MYO18B: variants seen among roughly 807,000 people sequenced by gnomAD.
MYO18B encodes unconventional myosin-XVIIIb.
In MYO18B, 204 loss-of-function variants were observed where a neutral mutation model predicts 273.0. That is an observed-to-expected ratio of 0.75 (90% confidence interval 0.67 to 0.84). MYO18B has a LOEUF of 0.84. Ranked by LOEUF, MYO18B falls within the 40% of genes least tolerant of loss-of-function variation. The pLI is 0.00. For synonymous variants in MYO18B, 1,330 were observed against 1,305.7 expected (o/e 1.02, Z -0.40); for missense variants, 3,212 against 3,287.6 (o/e 0.98, Z 0.56).
intron 7 of MYO18B, 40 bp from the exon 8 acceptor site, chr22:25,777,543 T>G: frequency 1.3e-6 from 2 of 1,541,740 alleles, no homozygotes; most frequent in Non-Finnish European, 1.7e-6. Context: ...CCCTAGGCAG[T>G]GGCTGGATGG....
intron 12 of MYO18B, among the ~76,000 whole-genome samples, chr22:25,814,494 A>G (rs1235511386): frequency 2.0e-5 from 3 of 151,046 alleles, no homozygotes; most frequent in Non-Finnish European, 4.4e-5. Flanking sequence ...TACTTCAACA[A>G]TCTCATGGAG....
At chr22:25,786,592 G>T (rs9613021) in intron 11 of MYO18B, among the ~76,000 whole-genome samples, 93,389 of 151,794 alleles carry the variant, frequency 0.62, 29,882 homozygotes, top group South Asian at 0.74. Flanking sequence ...ATTTCTAGAA[G>T]AAAGGTGAGA....
At chr22:25,987,359 C>T (rs1044895432) in intron 39 of MYO18B, among the ~76,000 whole-genome samples, 4 of 152,040 alleles carry the variant, frequency 2.6e-5, no homozygotes, top group Non-Finnish European at 5.9e-5. Context: ...GGGAGTAGCC[C>T]GGGGGTTTAA....
At chr22:25,865,497 A>G (rs1057313149) in intron 21 of MYO18B, among the ~76,000 whole-genome samples, 1 of 152,248 alleles carries the variant, frequency 6.6e-6, no homozygotes, top group African/African-American at 2.4e-5. Context: ...TGACCAAAAC[A>G]GAGGTGACTA....
intron 1 of MYO18B, among the ~76,000 whole-genome samples, chr22:25,744,069 C>A (rs1443277827): frequency 6.6e-6 from 1 of 152,186 alleles, no homozygotes; most frequent in South Asian, 2.1e-4. Flanking sequence ...TTCACTTGAG[C>A]TAACAAAACC....
In MYO18B at chr22:26,020,113, G is replaced by A. The variant is rs6004900; in HGVS notation, c.6471-6332G>A. Reference sequence around the variant, plus strand: ...CTTAGCAGTATGGCCTTGAGCAAATGTTTTCTCACCACTGAGCCTCAGTTT... The same window carrying A: ...CTTAGCAGTATGGCCTTGAGCAAATATTTTCTCACCACTGAGCCTCAGTTT... On this transcript the variant is annotated intron_variant, in intron 42 of 43. Coordinates refer to ENST00000335473, the MANE Select transcript of MYO18B (RefSeq NM_032608.7). 5.0e-3 allele frequency among the ~76,000 whole-genome samples: 767 copies of A among 152,258 alleles called. 5 individuals carry two copies. Among genetic ancestry groups the A allele is most frequent in the African/African-American group, 0.018 (729 of 41,538 alleles).
At chr22:25,987,932 A>G (rs1373608881) in intron 39 of MYO18B, among the ~76,000 whole-genome samples, 1 of 152,136 alleles carries the variant, frequency 6.6e-6, no homozygotes, top group African/African-American at 2.4e-5. Flanking sequence ...ATCATTTTGT[A>G]TCCTAATTAT....
At chr22:26,017,874 T>C (rs1015204199) in intron 42 of MYO18B, among the ~76,000 whole-genome samples, 2 of 152,078 alleles carry the variant, frequency 1.3e-5, no homozygotes. Flanking sequence ...CCCTGTTCTG[T>C]TTTTCTTATT....
intron 39 of MYO18B, among the ~76,000 whole-genome samples, chr22:25,980,781 T>A (rs898718530): frequency 6.6e-6 from 1 of 152,188 alleles, no homozygotes; most frequent in African/African-American, 2.4e-5. Context: ...GTTGTATTAG[T>A]TTTTTAGGGG....
chr22:25,897,515 A>G (rs2091835232), intron 28 of MYO18B: 2 of 152,224 alleles, frequency 1.3e-5, no homozygotes, highest in South Asian at 2.1e-4. Context: ...TATAAAGTTG[A>G]GTCAGTTTCC....
chr22:25,764,842 G>C (rs111637882), intron 3 of MYO18B, among the ~76,000 whole-genome samples: 295 of 152,368 alleles, frequency 1.9e-3, no homozygotes, highest in African/African-American at 6.6e-3. Context: ...CAGCAATGCA[G>C]GTGGATGGGA....
Position 25,867,950 on chromosome 22 carries a change from A to G in MYO18B, c.3886-370A>G, listed in dbSNP as rs371756271. ...CCGGCCAAGACTCTGATTTCAGTTC[A>G]TTTATGTATATACACACAAGTGGGA... On this transcript the variant is annotated intron_variant, in intron 21 of 43. Transcript: ENST00000335473. 2.1e-3 allele frequency among the ~76,000 whole-genome samples: 326 copies of G among 152,242 alleles called. 18 individuals carry two copies. In the South Asian group the frequency reaches 0.067, roughly 31 times the overall value.
rs144830415 is a variant in MYO18B at position 26,029,259 on chromosome 22, A to G, written c.*13-1184A>G. On this transcript the variant is annotated intron_variant, in intron 43 of 43. Coordinates refer to ENST00000335473, the MANE Select transcript of MYO18B (RefSeq NM_032608.7). ...GGCTCTGATGGTCCAGCGACTGCAC[A>G]TGGCTCTCAGGGTGCACCTGCTGCC... Among the ~76,000 whole-genome samples the G allele has an allele frequency of 3.3e-4, 50 of 152,228 alleles. No individual in the cohort carries two copies. In the East Asian group the frequency reaches 8.7e-3, roughly 26 times the overall value.
At chr22:25,953,816 C>T (rs1212915354) in intron 38 of MYO18B, among the ~76,000 whole-genome samples, 1 of 152,118 alleles carries the variant, frequency 6.6e-6, no homozygotes, top group East Asian at 1.9e-4. Flanking sequence ...CAATTTTGCC[C>T]TCTGCCACTA....
At chr22:25,981,879 G>A (rs749598709) in intron 39 of MYO18B, among the ~76,000 whole-genome samples, 16 of 152,222 alleles carry the variant, frequency 1.1e-4, no homozygotes, top group African/African-American at 1.9e-4. Context: ...GTATTAGTCC[G>A]TTCTTGCATT....
At chr22:25,940,800 A>G (rs946785556) in intron 34 of MYO18B, among the ~76,000 whole-genome samples, 3 of 152,234 alleles carry the variant, frequency 2.0e-5, no homozygotes, top group African/African-American at 7.2e-5. Context: ...AAAGCTTAGC[A>G]GCACTTAATT....
rs372863610 is a variant in MYO18B, at chr22:25,835,991, G to T, written c.3208+548G>T. On this transcript the variant is annotated intron_variant, in intron 17 of 43. Coordinates refer to ENST00000335473, the MANE Select transcript of MYO18B (RefSeq NM_032608.7). ...ATGTTCTGGAAAGTTCCCTGAGGTT[G>T]TAGTGTGAAGATATGGTAGGAAGGC... Among the ~76,000 whole-genome samples the T allele has an allele frequency of 6.6e-5, 10 of 152,316 alleles. No individual in the cohort carries two copies. The South Asian group carries it at 8.3e-4, about 13-fold the overall frequency.
At chr22:25,990,531 A>T (rs1044113172) in intron 39 of MYO18B, among the ~76,000 whole-genome samples, 2 of 151,904 alleles carry the variant, frequency 1.3e-5, no homozygotes, top group Non-Finnish European at 2.9e-5. Flanking sequence ...GCTAAAAAAT[A>T]CATAAATTAG....
At chr22:25,962,594 G>A (rs1044256854) in intron 39 of MYO18B, among the ~76,000 whole-genome samples, 1 of 152,178 alleles carries the variant, frequency 6.6e-6, no homozygotes, top group Non-Finnish European at 1.5e-5. Context: ...ACTAGGGACT[G>A]TGCCCTTGCA....
Sources: allele counts gnomAD v4.1 joint callset (sites outside exome capture counted in the v4.1 genomes callset), GRCh38; gene constraint gnomAD v4.1.1; transcripts MANE v1.5; gene names NCBI Gene and HGNC (gene_info 2026-07-23, HGNC 2026-07-21).